The following MPV17 variants were observed in gnomAD, a reference collection of about 807,000 sequenced individuals.
MPV17 encodes mitochondrial inner membrane protein MPV17, also known as MPV17, mitochondrial inner membrane protein.
In MPV17, 31 loss-of-function variants were observed where a neutral mutation model predicts 28.6. The observed-to-expected ratio is 1.08, with a 90% CI of 0.81 to 1.46. The LOEUF is 1.46. Among genes scored for constraint, MPV17 ranks in the 40% most tolerant of loss-of-function variants. The probability of loss-of-function intolerance (pLI) is 0.00; values close to 1 mark genes in which losing one functional copy is unlikely to be tolerated. For synonymous variants in MPV17, 87 were observed against 85.3 expected (o/e 1.02, Z -0.11); for missense variants, 198 against 216.2 (o/e 0.92, Z 0.53).
chr2:27,322,511 G>C lies in MPV17; in HGVS notation c.7C>G (p.Leu3Val). ...AGGGCCCGCTGGTATGCCCGCCAGA[G>C]TGCCATGCTTCCTGTCAAGCCAAGA... is the stretch of plus-strand genomic sequence containing the variant. MALWRAYQRALAA... is the reference protein window; with the variant it reads MAVWRAYQRALAA... The change falls in exon 2 of 8, where the codon CTC becomes GTC. Residue 3 changes from leucine (L) to valine (V), a missense_variant. Leu to Val is a conservative substitution (Grantham distance 32). Transcript: ENST00000380044. The C allele has an allele frequency of 6.2e-7, 1 of 1,613,964 alleles. No individual in the cohort carries two copies. The highest frequency in any genetic ancestry group is 8.5e-7 in the Non-Finnish European group (1 of 1,180,024).
chr2:27,311,332 A>C, intron 7 of MPV17: 1 of 479,590 alleles, frequency 2.1e-6, no homozygotes, highest in Non-Finnish European at 3.8e-6. Context: ...AAGTGCTAGA[A>C]TTACAGGTGT....
chr2:27,312,880 A>T, intron 3 of MPV17, 108 bp from the exon 4 acceptor site: 1 of 1,541,296 alleles, frequency 6.5e-7, no homozygotes, highest in Non-Finnish European at 9.0e-7. Flanking sequence ...GGACACTAAG[A>T]AAAAAGAGGG....
intron 2 of MPV17, among the ~76,000 whole-genome samples, chr2:27,316,455 G>A (rs1679656605): frequency 6.6e-6 from 1 of 152,146 alleles, no homozygotes; most frequent in African/African-American, 2.4e-5. Flanking sequence ...TCAGAAGAGT[G>A]GTGCCCAGGG....
intron 2 of MPV17, among the ~76,000 whole-genome samples, chr2:27,315,400 G>C (rs1390338789): frequency 6.6e-6 from 1 of 152,208 alleles, no homozygotes; most frequent in Non-Finnish European, 1.5e-5. Context: ...TGCCAAGAAG[G>C]CCAGGGGATG....
Position 27,320,414 on chromosome 2 carries a change from G to A in MPV17, c.70+2034C>T, listed in dbSNP as rs879654587. On this transcript the variant is annotated intron_variant, in intron 2 of 7. Coordinates refer to ENST00000380044, the MANE Select transcript of MPV17 (RefSeq NM_002437.5). ...TGCAATGGCACAATCTTGGCTCACC[G>A]CAACCTCTGCCTCATGGGTTCAAGT... is the stretch of plus-strand genomic sequence containing the variant. Among the ~76,000 whole-genome samples, 171 of 150,526 alleles carry A rather than the reference G, an allele frequency of 1.1e-3. 1 individual carries two copies. The highest frequency in any genetic ancestry group is 3.8e-3 in the African/African-American group (158 of 41,044).
rs563702392 is a variant in MPV17, at chr2:27,312,401, C to A, written c.375+93G>T. The A allele has an allele frequency of 2.0e-6, 3 of 1,478,218 alleles. No individual in the cohort carries two copies. The East Asian group carries it at 6.8e-5, about 33-fold the overall frequency. The allele number at this position is 1,478,218 out of a possible 1,614,324, so 91.6% of individuals were successfully genotyped here. On this transcript the variant is annotated intron_variant, in intron 5 of 7. Coordinates refer to ENST00000380044, the MANE Select transcript of MPV17 (RefSeq NM_002437.5). ...TCCATGGCCTGGGGCCCTACCTGCA[C>A]TTACCCCCTTTTTTATCCCTGTAAA...
chr2:27,316,551 C>G (rs1209110599), intron 2 of MPV17, among the ~76,000 whole-genome samples: 2 of 152,216 alleles, frequency 1.3e-5, no homozygotes, highest in African/African-American at 4.8e-5. Context: ...ATAGAGCAAG[C>G]CTGCTTTTCC....
intron 2 of MPV17, chr2:27,322,028 C>T (rs1679878336): frequency 4.8e-6 from 1 of 207,224 alleles, no homozygotes; most frequent in South Asian, 7.9e-5. Context: ...GGGTAAGAGT[C>T]TTGATTCAGC....
In MPV17 at chr2:27,317,291, G is replaced by A. The variant is rs1679692145; in HGVS notation, c.71-4182C>T. On this transcript the variant is annotated intron_variant, in intron 2 of 7. Coordinates refer to ENST00000380044, the MANE Select transcript of MPV17 (RefSeq NM_002437.5). The surrounding 1 kb of genome is among the most constrained non-coding windows in gnomAD (Gnocchi z 4.0). ...GGCTCAGTCTGGCACAGAGCCCAGA[G>A]GGAGTGGAAGCCCAGCAGCGGGAGG... 5 of 1,408,924 alleles carry A rather than the reference G, an allele frequency of 3.5e-6. No individual in the cohort carries two copies. In the African/African-American group the frequency reaches 4.4e-5, roughly 12 times the overall value. 87.3% of individuals were successfully genotyped at this position (1,408,924 alleles called of 1,614,324 possible). A position where few individuals can be genotyped will look rare whatever the true frequency, so the allele number is the denominator to read the frequency against.
intron 6 of MPV17, 33 bp from the exon 7 acceptor site, chr2:27,311,984 C>CCCCA (rs1679460215): frequency 6.2e-7 from 1 of 1,609,622 alleles, no homozygotes; most frequent in Non-Finnish European, 8.5e-7. Flanking sequence ...TGGATGGCTG[C>CCCCA]CCCACCACCT....
rs183584895 is a variant in MPV17 at position 27,309,817 on chromosome 2, C to T, written c.*95G>A. 45 of 1,015,896 alleles carry T rather than the reference C, an allele frequency of 4.4e-5. No homozygotes were observed. Among genetic ancestry groups the T allele is most frequent in the East Asian group, 4.1e-4 (17 of 41,188 alleles). 62.9% of individuals were successfully genotyped at this position (1,015,896 alleles called of 1,614,324 possible). ...TAAGCTCTGACCGGCAACCCAACCCCGTGGAAACTGGTATGCCCACTTTGA... is the reference window on the plus strand; with the variant it reads ...TAAGCTCTGACCGGCAACCCAACCCTGTGGAAACTGGTATGCCCACTTTGA... On this transcript the variant is annotated 3_prime_UTR_variant, in exon 8 of 8. Transcript: ENST00000380044.
chr2:27,321,630 C>T (rs909973731), intron 2 of MPV17, among the ~76,000 whole-genome samples: 2 of 152,186 alleles, frequency 1.3e-5, no homozygotes, highest in African/African-American at 4.8e-5. Context: ...TACTTATCTT[C>T]ATGCCATCCT....
intron 7 of MPV17, 62 bp from the exon 8 acceptor site, chr2:27,310,043 A>G (rs1243167948): frequency 1.6e-6 from 2 of 1,281,278 alleles, no homozygotes; most frequent in African/African-American, 2.9e-5. Context: ...AGGGCTGGAG[A>G]TGGGAGCATG....
chr2:27,310,042 G>C, intron 7 of MPV17, 61 bp from the exon 8 acceptor site: 1 of 1,297,302 alleles, frequency 7.7e-7, no homozygotes, highest in Non-Finnish European at 1.1e-6. Flanking sequence ...AAGGGCTGGA[G>C]ATGGGAGCAT....
At chr2:27,316,929 A>G in intron 2 of MPV17, 2 of 721,734 alleles carry the variant, frequency 2.8e-6, no homozygotes, top group Non-Finnish European at 4.5e-6. Context: ...GAACAGATCC[A>G]GCGGCCAGGG....
chr2:27,314,399 A>C lies in MPV17; in HGVS notation c.71-1290T>G, dbSNP rs533214526. Among the ~76,000 whole-genome samples the C allele has an allele frequency of 2.0e-5, 3 of 152,326 alleles. No homozygotes were observed. The East Asian group carries it at 5.8e-4, about 29-fold the overall frequency. ...GAAGATGACTGGTTGAGCTGATAAG[A>C]GTCCCCACAACAAAGAGTCTTGGCC... On this transcript the variant is annotated intron_variant, in intron 2 of 7. Coordinates refer to ENST00000380044, the MANE Select transcript of MPV17 (RefSeq NM_002437.5).
chr2:27,322,473 C>T lies in MPV17; in HGVS notation c.45G>A (p.Pro15=), dbSNP rs778886974. The part of the protein sequence containing the change: ...RAYQRALAAH[P]WKVQVLTAGS... ...CAGCTGTCAGGACCTGTACTTTCCACGGGTGAGCGGCCAGGGCCCGCTGGT... is the reference window on the plus strand; with the variant it reads ...CAGCTGTCAGGACCTGTACTTTCCATGGGTGAGCGGCCAGGGCCCGCTGGT... The change falls in exon 2 of 8, where the codon CCG becomes CCA. Residue 15 remains proline (P), a synonymous_variant. Transcript: ENST00000380044. 1.1e-5 allele frequency: 18 copies of T among 1,614,112 alleles called. No individual in the cohort carries two copies. Among genetic ancestry groups the T allele is most frequent in the Middle Eastern group, 1.6e-4 (1 of 6,062 alleles).
At chr2:27,318,444 A>C (rs973706262) in intron 2 of MPV17, among the ~76,000 whole-genome samples, 6 of 149,398 alleles carry the variant, frequency 4.0e-5, no homozygotes, top group Non-Finnish European at 7.4e-5. Flanking sequence ...TGCAACCTCT[A>C]CTTCCTGGGT....
At position 27,312,545 on chromosome 2, in the gene MPV17, T is replaced by C. The variant is rs1467315895; in HGVS notation, c.324A>G (p.Val108=). Residue 108 remains valine, a synonymous_variant, in exon 5 of 8, where the codon GTA becomes GTG. Coordinates refer to ENST00000380044, the MANE Select transcript of MPV17 (RefSeq NM_002437.5). ...GGGCTGACAGTCCATTAAGTGCCCC[T>C]ACCAGTGGGAGAAAGCAGCCTAGAA... The part of the protein sequence containing the change: ...PCFLGCFLPL[V]GALNGLSAQD... The C allele has an allele frequency of 6.2e-7, 1 of 1,614,044 alleles. No individual in the cohort carries two copies. Among genetic ancestry groups the C allele is most frequent in the Non-Finnish European group, 8.5e-7 (1 of 1,180,004 alleles).
Sources: gnomAD v4.1 joint callset for allele counts (sites outside exome capture counted in the v4.1 genomes callset) on GRCh38, gnomAD v4.1.1 for gene constraint, Gnocchi (gnomAD v3.1) non-coding constraint, MANE v1.5 for transcripts, NCBI Gene and HGNC (gene_info 2026-07-23, HGNC 2026-07-21) for gene names.